The following DYNLL2 variants were observed in gnomAD, a reference collection of about 807,000 sequenced individuals.
DYNLL2 encodes the protein dynein light chain 2, cytoplasmic.
In DYNLL2, 1 loss-of-function variant was observed where a neutral mutation model predicts 9.7. The observed-to-expected ratio is 0.10, with a 90% CI of 0.04 to 0.49. DYNLL2 has a LOEUF of 0.49. DYNLL2 is among the 20% of genes least tolerant of loss of function. The pLI is 0.95. For synonymous variants in DYNLL2, 35 were observed against 40.5 expected (o/e 0.86, Z 0.52); for missense variants, 37 against 115.2 (o/e 0.32, Z 3.11).
rs577962863 is a variant in DYNLL2 at position 58,094,359 on chromosome 17, T to G, written c.*5080T>G. ...TGATGATGATGATGATGATACTGATTATTAGGGTATCTAATAAAGTTGGGG... is the reference window on the plus strand; with the variant it reads ...TGATGATGATGATGATGATACTGATGATTAGGGTATCTAATAAAGTTGGGG... On this transcript the variant is annotated 3_prime_UTR_variant, in exon 3 of 3. Transcript: ENST00000579991. The G allele has an allele frequency of 6.6e-6, 1 of 152,320 alleles. No homozygotes were observed. Among genetic ancestry groups the G allele is most frequent in the African/African-American group, 2.4e-5 (1 of 41,566 alleles). 9.4% of individuals were successfully genotyped at this position (152,320 alleles called of 1,614,324 possible). A position where few individuals can be genotyped will look rare whatever the true frequency, so the allele number is the denominator to read the frequency against.
chr17:58,092,212 C>G lies in DYNLL2; in HGVS notation c.*2933C>G, dbSNP rs1244409753. 3.3e-5 allele frequency: 5 copies of G among 152,254 alleles called. No individual in the cohort carries two copies. 9.4% of individuals were successfully genotyped at this position (152,254 alleles called of 1,614,324 possible). A position where few individuals can be genotyped will look rare whatever the true frequency, so the allele number is the denominator to read the frequency against. The stretch of plus-strand genomic sequence containing the variant: ...GCCCCAACTTCTGTTACTGCTTTAG[C>G]TGTCGTGAGTAATTTGACAGAGCTG... On this transcript the variant is annotated 3_prime_UTR_variant, in exon 3 of 3. Coordinates refer to ENST00000579991, the MANE Select transcript of DYNLL2 (RefSeq NM_080677.3).
In DYNLL2 at chr17:58,090,218, G is replaced by T; in HGVS notation, c.*939G>T. 3.6e-6 allele frequency: 1 copy of T among 277,734 alleles called. No homozygotes were observed. The highest frequency in any genetic ancestry group is 6.6e-6 in the Non-Finnish European group (1 of 150,386). 17.2% of individuals were successfully genotyped at this position (277,734 alleles called of 1,614,324 possible). ...TTGATGTCTCCCTTGACTCTTCTGT[G>T]TATATGTGTGAATATGTGTGTATAT... On this transcript the variant is annotated 3_prime_UTR_variant, in exon 3 of 3. Transcript: ENST00000579991.
intron 2 of DYNLL2, among the ~76,000 whole-genome samples, chr17:58,087,446 GTA>G (rs1391163699): frequency 7.1e-6 from 1 of 141,406 alleles, no homozygotes; most frequent in African/African-American, 2.6e-5. Flanking sequence ...GTGTGTGTGT[GTA>G]TGTTTACTTT....
chr17:58,085,735 CAAGGCTATTAAAATCTTTACCTTTCT>C (rs2075757728), intron 1 of DYNLL2, among the ~76,000 whole-genome samples: 2 of 152,168 alleles, frequency 1.3e-5, no homozygotes, highest in African/African-American at 4.8e-5. Context: ...GGATATGAAA[CAAGGCTATTAAAATCTTTACCTTTCT>C]TAGGCACCTT....
chr17:58,087,180 G>C lies in DYNLL2; in HGVS notation c.90G>C (p.Glu30Asp), dbSNP rs141400019. Residue 30 changes from glutamate (E) to aspartate (D), a missense_variant, in exon 2 of 3, where the codon GAG (glutamate) becomes GAC (aspartate). By Grantham distance (45) the Glu-to-Asp change is conservative. Coordinates refer to ENST00000579991, the MANE Select transcript of DYNLL2 (RefSeq NM_080677.3). ...TTGACTGCGCCACGCAGGCCATGGA[G>C]AAGTACAATATAGAGAAGGACATTG... ...DAVDCATQAM[E>D]KYNIEKDIAA... 163 of 1,614,112 alleles carry C rather than the reference G, an allele frequency of 1.0e-4. No homozygotes were observed. The highest frequency in any genetic ancestry group is 1.3e-4 in the Non-Finnish European group (148 of 1,180,034).
In DYNLL2 at chr17:58,089,769, G is replaced by A. The variant is rs1375217306; in HGVS notation, c.*490G>A. On this transcript the variant is annotated 3_prime_UTR_variant, in exon 3 of 3. Transcript: ENST00000579991. ...TTGTCAAGGAAAAAGGGGTAGGAAG[G>A]AAGGTGGAGGGATTGATCTAGTACC... 4 of 400,948 alleles carry A rather than the reference G, an allele frequency of 1.0e-5. No homozygotes were observed. Among genetic ancestry groups the A allele is most frequent in the Non-Finnish European group, 1.8e-5 (4 of 228,008 alleles). 24.8% of individuals were successfully genotyped at this position (400,948 alleles called of 1,614,324 possible).
intron 2 of DYNLL2, 140 bp from the exon 3 acceptor site, chr17:58,089,002 G>T (rs1176296830): frequency 1.1e-5 from 11 of 997,858 alleles, no homozygotes; most frequent in Non-Finnish European, 1.5e-5. Flanking sequence ...GAGGTTCGGG[G>T]AGCTGAGGCT....
At chr17:58,084,628 TGGGGGGC>T (rs2075751905) in intron 1 of DYNLL2, among the ~76,000 whole-genome samples, 1 of 152,176 alleles carries the variant, frequency 6.6e-6, no homozygotes, top group Non-Finnish European at 1.5e-5. Flanking sequence ...CTCAGATGCC[TGGGGGGC>T]CATTGTAGTC....
Position 58,083,679 on chromosome 17 carries a change from T to C in DYNLL2, c.-14T>C, listed in dbSNP as rs1462540719. 1.3e-5 allele frequency: 2 copies of C among 152,352 alleles called. No homozygotes were observed. The highest frequency in any genetic ancestry group is 2.9e-5 in the Non-Finnish European group (2 of 68,408). The allele number at this position is 152,352 out of a possible 1,614,324, so 9.4% of individuals were successfully genotyped here. On this transcript the variant is annotated 5_prime_UTR_variant, in exon 1 of 3. Coordinates refer to ENST00000579991, the MANE Select transcript of DYNLL2 (RefSeq NM_080677.3). ...AGGGCCCAGTGCGGACTCGCCTCCGTGAAGGTGAGCGGTGGGTGGGGGCGT... is the reference window on the plus strand; with the variant it reads ...AGGGCCCAGTGCGGACTCGCCTCCGCGAAGGTGAGCGGTGGGTGGGGGCGT...
In DYNLL2 at chr17:58,095,455, TC is replaced by T. The variant is rs1173052374; in HGVS notation, c.*6178del. On this transcript the variant is annotated 3_prime_UTR_variant, in exon 3 of 3. Coordinates refer to ENST00000579991, the MANE Select transcript of DYNLL2 (RefSeq NM_080677.3). ...CTGTCTTCCAGCTACGGGGTTACCT[TC>T]CTTGAAGCAGTTAATGTTATGAGAT... 6.6e-6 allele frequency: 1 copy of T among 152,230 alleles called. No homozygotes were observed. The highest frequency in any genetic ancestry group is 1.5e-5 in the Non-Finnish European group (1 of 68,044). The allele number at this position is 152,230 out of a possible 1,614,324, so 9.4% of individuals were successfully genotyped here. A position where few individuals can be genotyped will look rare whatever the true frequency, so the allele number is the denominator to read the frequency against.
rs1320292597 is a variant in DYNLL2, at chr17:58,092,196, T to G, written c.*2917T>G. ...GTTGAGAGACTCTAGAGCCCCAACTTCTGTTACTGCTTTAGCTGTCGTGAG... is the reference window on the plus strand; with the variant it reads ...GTTGAGAGACTCTAGAGCCCCAACTGCTGTTACTGCTTTAGCTGTCGTGAG... On this transcript the variant is annotated 3_prime_UTR_variant, in exon 3 of 3. Transcript: ENST00000579991. 6.6e-6 allele frequency: 1 copy of G among 152,240 alleles called. No homozygotes were observed. Among genetic ancestry groups the G allele is most frequent in the Non-Finnish European group, 1.5e-5 (1 of 68,056 alleles). 9.4% of individuals were successfully genotyped at this position (152,240 alleles called of 1,614,324 possible). A position where few individuals can be genotyped will look rare whatever the true frequency, so the allele number is the denominator to read the frequency against.
At chr17:58,085,543 C>T (rs2075756891) in intron 1 of DYNLL2, among the ~76,000 whole-genome samples, 1 of 152,148 alleles carries the variant, frequency 6.6e-6, no homozygotes, top group Admixed American at 6.5e-5. Flanking sequence ...ATAGTTACTG[C>T]TCCATGTGTT....
intron 1 of DYNLL2, among the ~76,000 whole-genome samples, 182 bp downstream of exon 1, chr17:58,083,865 G>A (rs372699543): frequency 3.3e-5 from 5 of 151,210 alleles, no homozygotes; most frequent in African/African-American, 7.3e-5. Context: ...CGCCCCCGCC[G>A]CCCCTCCCTC....
rs1276412650 is a variant in DYNLL2 at position 58,093,901 on chromosome 17, T to A, written c.*4622T>A. 6.6e-6 allele frequency: 1 copy of A among 152,220 alleles called. No homozygotes were observed. Among genetic ancestry groups the A allele is most frequent in the Non-Finnish European group, 1.5e-5 (1 of 68,066 alleles). The allele number at this position is 152,220 out of a possible 1,614,324, so 9.4% of individuals were successfully genotyped here. The stretch of plus-strand genomic sequence containing the variant: ...AGGTGTACCTGTGTGTCTCTCTCTG[T>A]GATGTATGTGGGCTTGGTGTCCACA... On this transcript the variant is annotated 3_prime_UTR_variant, in exon 3 of 3. Coordinates refer to ENST00000579991, the MANE Select transcript of DYNLL2 (RefSeq NM_080677.3).
rs2075743566 is a variant in DYNLL2, at chr17:58,083,487, GGA to G, written c.-204_-203del. ...GGCGGGCGGGCGGGCGGCGTGAGGC[GGA>G]GCGCGGGCGGCCGGCGAAACTCCAA... On this transcript the variant is annotated 5_prime_UTR_variant, in exon 1 of 3. Coordinates refer to ENST00000579991, the MANE Select transcript of DYNLL2 (RefSeq NM_080677.3). The G allele has an allele frequency of 6.7e-6, 1 of 148,454 alleles. No individual in the cohort carries two copies. 9.2% of individuals were successfully genotyped at this position (148,454 alleles called of 1,614,324 possible).
In DYNLL2 at chr17:58,091,364, CCTGTAGCAGCA is replaced by C. The variant is rs59108636; in HGVS notation, c.*2088_*2098del. ...AGACCAGCCACTAGATACTGATTGGCCTGTAGCAGCACTTATTTGTGCCTAGGCTTATGCCC... is the reference window on the plus strand; with the variant it reads ...AGACCAGCCACTAGATACTGATTGGCCTTATTTGTGCCTAGGCTTATGCCC... On this transcript the variant is annotated 3_prime_UTR_variant, in exon 3 of 3. Coordinates refer to ENST00000579991, the MANE Select transcript of DYNLL2 (RefSeq NM_080677.3). 0.062 allele frequency: 9,463 copies of C among 152,000 alleles called. 414 individuals are homozygous for C. Among genetic ancestry groups the C allele is most frequent in the African/African-American group, 0.11 (4,703 of 41,324 alleles). The allele number at this position is 152,000 out of a possible 1,614,324, so 9.4% of individuals were successfully genotyped here. A position where few individuals can be genotyped will look rare whatever the true frequency, so the allele number is the denominator to read the frequency against.
At position 58,092,755 on chromosome 17, in the gene DYNLL2, C is replaced by T. The variant is rs1436431459; in HGVS notation, c.*3476C>T. 2 of 152,310 alleles carry T rather than the reference C, an allele frequency of 1.3e-5. No individual in the cohort carries two copies. The highest frequency in any genetic ancestry group is 2.9e-5 in the Non-Finnish European group (2 of 68,136). 9.4% of individuals were successfully genotyped at this position (152,310 alleles called of 1,614,324 possible). A position where few individuals can be genotyped will look rare whatever the true frequency, so the allele number is the denominator to read the frequency against. On this transcript the variant is annotated 3_prime_UTR_variant, in exon 3 of 3. Transcript: ENST00000579991. ...CTAAGGGAGGCAAATGGATAATAAC[C>T]AGCATGGTAGGGAATCTTCTTTGTT...
Position 58,091,133 on chromosome 17 carries a change from C to T in DYNLL2, c.*1854C>T, listed in dbSNP as rs1048421329. On this transcript the variant is annotated 3_prime_UTR_variant, in exon 3 of 3. Transcript: ENST00000579991. ...AAGTGTCTGGTTTGTGTTCATCTCT[C>T]CCTCATTTCTGGAGCAGGGCCTGAG... 1 of 152,226 alleles carries T rather than the reference C, an allele frequency of 6.6e-6. No homozygotes were observed. The highest frequency in any genetic ancestry group is 2.4e-5 in the African/African-American group (1 of 41,414). 9.4% of individuals were successfully genotyped at this position (152,226 alleles called of 1,614,324 possible). A position where few individuals can be genotyped will look rare whatever the true frequency, so the allele number is the denominator to read the frequency against.
chr17:58,086,556 C>G (rs912757825), intron 1 of DYNLL2, among the ~76,000 whole-genome samples: 2 of 152,188 alleles, frequency 1.3e-5, no homozygotes, highest in Admixed American at 1.3e-4. Flanking sequence ...GAGATAAACT[C>G]AGGACCAGGA....
Sources: gnomAD v4.1 joint callset for allele counts (sites outside exome capture counted in the v4.1 genomes callset) on GRCh38, gnomAD v4.1.1 for gene constraint, MANE v1.5 for transcripts, NCBI Gene and HGNC (gene_info 2026-07-23, HGNC 2026-07-21) for gene names.